Variants in SLC5A7 observed in about 807,000 individuals in gnomAD.
SLC5A7 encodes the protein high affinity choline transporter 1.
SLC5A7 carries 19 observed loss-of-function variants against 55.4 expected under a neutral mutation model. That is an observed-to-expected ratio of 0.34 (90% confidence interval 0.24 to 0.50). The LOEUF (loss-of-function observed/expected upper bound fraction) is 0.50, where lower values mean the gene tolerates loss of function less well. Among genes scored for constraint, SLC5A7 ranks in the 20% least tolerant of loss-of-function variants. SLC5A7 has a pLI of 0.98. For synonymous variants in SLC5A7, 265 were observed against 263.7 expected (o/e 1.00, Z -0.05); for missense variants, 506 against 705.3 (o/e 0.72, Z 3.20).
rs370177227 is a variant in SLC5A7, at chr2:107,988,209, T to C, written c.54T>C (p.Ile18=). The C allele has an allele frequency of 3.2e-5, 52 of 1,614,048 alleles. No homozygotes were observed. The highest frequency in any genetic ancestry group is 1.7e-4 in the Admixed American group (10 of 60,002). Residue 18 remains isoleucine, a synonymous_variant, in exon 2 of 9, where the codon ATT becomes ATC. Transcript: ENST00000264047. ...LIAIIVFYLL[I]LLVGIWAAWR... is the part of the protein sequence containing the mutation. Reference sequence around the variant, plus strand: ...CTATCATCGTGTTCTACCTTCTAATTTTGCTGGTTGGAATATGGGCTGCCT... The same window carrying C: ...CTATCATCGTGTTCTACCTTCTAATCTTGCTGGTTGGAATATGGGCTGCCT...
chr2:107,987,178 G>C (rs533128675), intron 1 of SLC5A7, among the ~76,000 whole-genome samples: 1 of 152,198 alleles, frequency 6.6e-6, no homozygotes, highest in African/African-American at 2.4e-5. Context: ...TTGTATGTGA[G>C]AGTTTGGGTT....
chr2:107,989,663 C>T (rs1027825584), intron 2 of SLC5A7, among the ~76,000 whole-genome samples: 3 of 152,144 alleles, frequency 2.0e-5, no homozygotes, highest in African/African-American at 4.8e-5. Flanking sequence ...TGCTGGTGAC[C>T]GCCCCATGCT....
rs903361524 is a variant in SLC5A7, at chr2:108,012,234, G to A, written c.*1373G>A. Reference sequence around the variant, plus strand: ...GTCCATTTCAAGTGTTTTCACACCAGTCACACATTATAGAAATTACTGGAG... The same window carrying A: ...GTCCATTTCAAGTGTTTTCACACCAATCACACATTATAGAAATTACTGGAG... On this transcript the variant is annotated 3_prime_UTR_variant, in exon 9 of 9. Transcript: ENST00000264047. 4 of 152,040 alleles carry A rather than the reference G, an allele frequency of 2.6e-5. No homozygotes were observed. The highest frequency in any genetic ancestry group is 7.2e-5 in the African/African-American group (3 of 41,396). The allele number at this position is 152,040 out of a possible 1,614,324, so 9.4% of individuals were successfully genotyped here. A position where few individuals can be genotyped will look rare whatever the true frequency, so the allele number is the denominator to read the frequency against.
chr2:107,992,193 T>G lies in SLC5A7; in HGVS notation c.266T>G (p.Ile89Ser). Residue 89 changes from isoleucine to serine, a missense_variant, in exon 3 of 9, where the codon ATT becomes AGT. Coordinates refer to ENST00000264047, the MANE Select transcript of SLC5A7 (RefSeq NM_021815.5). ...GYGLAWAQAP[I>S]GYSLSLILGG... ...GGCCTAGCTTGGGCTCAGGCACCAA[T>G]TGGATATTCTCTTAGTCTGATTTTA... 6.2e-7 allele frequency: 1 copy of G among 1,613,156 alleles called. No individual in the cohort carries two copies. The highest frequency in any genetic ancestry group is 8.5e-7 in the Non-Finnish European group (1 of 1,179,118).
Position 108,013,668 on chromosome 2 carries a change from G to A in SLC5A7, c.*2807G>A, listed in dbSNP as rs1050216336. ...ATTTAGACAATGGCTATATTAATCT[G>A]GGAAGGCAACACCTGTGGATAAAAC... On this transcript the variant is annotated 3_prime_UTR_variant, in exon 9 of 9. Transcript: ENST00000264047. 7.2e-5 allele frequency: 11 copies of A among 152,092 alleles called. No homozygotes were observed. The East Asian group carries it at 1.9e-3, about 27-fold the overall frequency. 9.4% of individuals were successfully genotyped at this position (152,092 alleles called of 1,614,324 possible).
At chr2:107,989,550 T>TG (rs560221330) in intron 2 of SLC5A7, among the ~76,000 whole-genome samples, 287 of 152,314 alleles carry the variant, frequency 1.9e-3, no homozygotes, top group Middle Eastern at 3.4e-3. Flanking sequence ...CATCTGGGGT[T>TG]AAGTGGAGAT....
intron 5 of SLC5A7, among the ~76,000 whole-genome samples, chr2:107,998,386 A>T (rs1165415129): frequency 6.6e-6 from 1 of 152,218 alleles, no homozygotes; most frequent in East Asian, 1.9e-4. Flanking sequence ...TGCTCATAAG[A>T]CATAGAAATG....
At position 107,992,962 on chromosome 2, in the gene SLC5A7, T is replaced by C. The variant is rs1472497008; in HGVS notation, c.293-10T>C. ...TTTTATTTTCTCCTAAACAGTTGCT[T>C]AATTTTTAGGTGGCCTGTTCTTTGC... On this transcript the variant is annotated splice_polypyrimidine_tract_variant and intron_variant, in intron 3 of 8. Coordinates refer to ENST00000264047, the MANE Select transcript of SLC5A7 (RefSeq NM_021815.5). 3.7e-6 allele frequency: 6 copies of C among 1,612,144 alleles called. No individual in the cohort carries two copies. The South Asian group carries it at 6.6e-5, about 18-fold the overall frequency.
In SLC5A7 at chr2:107,988,287, T is replaced by C. The variant is rs1201227094; in HGVS notation, c.132T>C (p.Val44=). 1.2e-6 allele frequency: 2 copies of C among 1,614,086 alleles called. No individual in the cohort carries two copies. The highest frequency in any genetic ancestry group is 4.5e-5 in the East Asian group (2 of 44,882). Reference sequence around the variant, plus strand: ...AAGAGCGCAGCGAAGCCATCATAGTTGGTGGCCGAGATATTGGTTTATTGG... The same window carrying C: ...AAGAGCGCAGCGAAGCCATCATAGTCGGTGGCCGAGATATTGGTTTATTGG... ...SAEERSEAII[V]GGRDIGLLVG... The change falls in exon 2 of 9, where the codon GTT becomes GTC. Residue 44 remains valine, a synonymous_variant. Coordinates refer to ENST00000264047, the MANE Select transcript of SLC5A7 (RefSeq NM_021815.5).
chr2:108,002,121 TA>T (rs572209370), intron 6 of SLC5A7, 81 bp downstream of exon 6: 2 of 1,511,020 alleles, frequency 1.3e-6, no homozygotes, highest in South Asian at 1.2e-5. Flanking sequence ...ATATTCATAG[TA>T]AAAAAATGTG....
At position 107,993,144 on chromosome 2, in the gene SLC5A7, T is replaced by C. The variant is rs1558860719; in HGVS notation, c.448+17T>C. 2 of 1,613,928 alleles carry C rather than the reference T, an allele frequency of 1.2e-6. No homozygotes were observed. The highest frequency in any genetic ancestry group is 1.7e-6 in the Non-Finnish European group (2 of 1,179,828). ...CTGCTTTGGGTAAGGACCAGCTAAG[T>C]TGTCTAGCTGCATCTTTGTAGTTAA... On this transcript the variant is annotated intron_variant, in intron 4 of 8. Coordinates refer to ENST00000264047, the MANE Select transcript of SLC5A7 (RefSeq NM_021815.5).
intron 4 of SLC5A7, among the ~76,000 whole-genome samples, chr2:107,997,225 ACT>A (rs1482485738): frequency 6.6e-6 from 1 of 152,224 alleles, no homozygotes; most frequent in Non-Finnish European, 1.5e-5. Flanking sequence ...GCATATTTTT[ACT>A]GTTACTTTCT....
rs1325175754 is a variant in SLC5A7 at position 107,986,758 on chromosome 2, C to T, written c.-57C>T. 6.6e-6 allele frequency: 1 copy of T among 152,454 alleles called. No individual in the cohort carries two copies. The allele number at this position is 152,454 out of a possible 1,614,324, so 9.4% of individuals were successfully genotyped here. On this transcript the variant is annotated 5_prime_UTR_variant, in exon 1 of 9. Transcript: ENST00000264047. ...GGAGCGCTTTCGCGTGCAGCCACCA[C>T]TCCAGGTAGGAGCGGAGCGGGCATT...
chr2:107,992,344 C>G, intron 3 of SLC5A7, 125 bp downstream of exon 3: 1 of 510,738 alleles, frequency 2.0e-6, no homozygotes, highest in Non-Finnish European at 3.5e-6. Context: ...CCCCAGAGAT[C>G]TTTAAGGAGT....
intron 2 of SLC5A7, among the ~76,000 whole-genome samples, chr2:107,989,021 C>T (rs1234852290): frequency 6.6e-6 from 1 of 152,186 alleles, no homozygotes; most frequent in Non-Finnish European, 1.5e-5. Flanking sequence ...CTCATTCAAA[C>T]CTTCTTTGTG....
At chr2:107,994,728 T>TGC (rs1677602340) in intron 4 of SLC5A7, among the ~76,000 whole-genome samples, 2 of 152,202 alleles carry the variant, frequency 1.3e-5, no homozygotes, top group Admixed American at 1.3e-4. Flanking sequence ...TGACTCTCAT[T>TGC]AGCTGAGTTG....
At chr2:107,995,590 C>T (rs1249096305) in intron 4 of SLC5A7, among the ~76,000 whole-genome samples, 2 of 151,878 alleles carry the variant, frequency 1.3e-5, no homozygotes, top group African/African-American at 2.4e-5. Flanking sequence ...ACCCAGGTAA[C>T]ATCATTGCAC....
At chr2:108,009,111 C>A (rs1193131698) in intron 8 of SLC5A7, among the ~76,000 whole-genome samples, 1 of 151,998 alleles carries the variant, frequency 6.6e-6, no homozygotes, top group East Asian at 1.9e-4. Flanking sequence ...ACTTGCACTC[C>A]AAAGTCCACC....
chr2:107,998,442 T>A (rs550742097), intron 5 of SLC5A7, among the ~76,000 whole-genome samples: 2 of 152,350 alleles, frequency 1.3e-5, no homozygotes, highest in East Asian at 3.9e-4. Context: ...CATCACTATT[T>A]GTGGTCTAAA....
Sources: allele counts gnomAD v4.1 joint callset (sites outside exome capture counted in the v4.1 genomes callset), GRCh38; gene constraint gnomAD v4.1.1; transcripts MANE v1.5; gene names NCBI Gene and HGNC (gene_info 2026-07-23, HGNC 2026-07-21).